The following KALRN variants were observed in gnomAD, a reference collection of about 807,000 sequenced individuals.
KALRN encodes kalirin.
A neutral mutation model predicts 353.7 loss-of-function variants in KALRN; 70 were observed. The ratio of observed to expected loss-of-function variants is 0.20; its 90% confidence interval spans 0.16 to 0.24. The LOEUF (loss-of-function observed/expected upper bound fraction) is 0.24. KALRN is among the 10% of genes least tolerant of loss of function. The pLI is 1.00. For synonymous variants in KALRN, 1,391 were observed against 1,434.8 expected (o/e 0.97, Z 0.69); for missense variants, 2,791 against 3,756.7 (o/e 0.74, Z 6.72).
intron 1 of KALRN, among the ~76,000 whole-genome samples, chr3:124,207,433 C>T (rs746987724): frequency 2.6e-5 from 4 of 152,176 alleles, no homozygotes; most frequent in African/African-American, 7.2e-5. Context: ...TCCCGAAACT[C>T]GGGGGCTGGG....
intron 10 of KALRN, among the ~76,000 whole-genome samples, chr3:124,369,939 C>T (rs940900864): frequency 6.6e-6 from 1 of 152,178 alleles, no homozygotes; most frequent in Non-Finnish European, 1.5e-5. Flanking sequence ...TCAAAAATGA[C>T]AGGATCTCCT....
Position 124,666,516 on chromosome 3 carries a change from G to A in KALRN, c.6413G>A (p.Gly2138Asp), listed in dbSNP as rs1173463640. 3.1e-6 allele frequency: 5 copies of A among 1,614,010 alleles called. No individual in the cohort carries two copies. The highest frequency in any genetic ancestry group is 4.2e-6 in the Non-Finnish European group (5 of 1,179,894). The change falls in exon 46 of 60, where the codon GGC becomes GAC. Residue 2138 changes from glycine (G) to aspartate (D), a missense_variant. Gly to Asp is a moderately conservative substitution (Grantham distance 94). Around this residue, in one of 11 missense-constraint regions of KALRN, gnomAD observed 1,065 missense variants for 1,156.4 expected, o/e 0.92. Coordinates refer to ENST00000682506, the MANE Select transcript of KALRN (RefSeq NM_001388419.1). ...TTCTATGTGATCGAGCTGGATGCAG[G>A]CATGCAGTCCCGGACCAAAGAGAGG... is the stretch of plus-strand genomic sequence containing the variant. ...DTFYVIELDA[G>D]MQSRTKERRV...
In KALRN at chr3:124,298,775, T is replaced by G; in HGVS notation, c.970-16T>G. 6.2e-7 allele frequency: 1 copy of G among 1,614,126 alleles called. No homozygotes were observed. On this transcript the variant is annotated splice_polypyrimidine_tract_variant and intron_variant, in intron 5 of 59. Transcript: ENST00000682506. Reference sequence around the variant, plus strand: ...ATGACCATTCTGATTATGCTGTGCCTTCTTGTCCTCTCTAGATGTTTGACT... The same window carrying G: ...ATGACCATTCTGATTATGCTGTGCCGTCTTGTCCTCTCTAGATGTTTGACT...
At chr3:124,052,639 T>C (rs939423784) in intron 1 of KALRN, among the ~76,000 whole-genome samples, 1 of 152,096 alleles carries the variant, frequency 6.6e-6, no homozygotes, top group Non-Finnish European at 1.5e-5. Context: ...TTTCCTTCCA[T>C]GCAGAACTCT....
intron 51 of KALRN, among the ~76,000 whole-genome samples, chr3:124,688,601 G>A (rs2061669142): frequency 6.6e-6 from 1 of 152,160 alleles, no homozygotes; most frequent in Admixed American, 6.5e-5. Context: ...TGGGTTTAGG[G>A]TATTTGGTTT....
chr3:124,225,369 A>G (rs1469705446), intron 1 of KALRN, among the ~76,000 whole-genome samples: 1 of 152,342 alleles, frequency 6.6e-6, no homozygotes, highest in African/African-American at 2.4e-5. Flanking sequence ...TGAAAATTTT[A>G]GTTGTAATTG....
chr3:124,250,231 G>C (rs2070935784), intron 3 of KALRN, among the ~76,000 whole-genome samples: 1 of 152,238 alleles, frequency 6.6e-6, no homozygotes, highest in Admixed American at 6.5e-5. Flanking sequence ...AGCAAGGACT[G>C]TTTCCTGGAG....
chr3:124,571,595 C>T (rs982281224), intron 34 of KALRN, among the ~76,000 whole-genome samples: 1 of 152,188 alleles, frequency 6.6e-6, no homozygotes, highest in African/African-American at 2.4e-5. Context: ...ATCCTTTCCA[C>T]TTCTAAAAAT....
chr3:124,312,310 G>A (rs1328248722), intron 6 of KALRN, among the ~76,000 whole-genome samples: 2 of 152,028 alleles, frequency 1.3e-5, no homozygotes, highest in African/African-American at 4.8e-5. Context: ...ACAGGCACCC[G>A]CCACCATGCC....
chr3:124,446,193 C>T lies in KALRN; in HGVS notation c.3346C>T (p.Arg1116Cys). Residue 1116 changes from arginine to cysteine, a missense_variant, in exon 20 of 60, where the codon CGC becomes TGC. Physicochemically the swap from Arg to Cys is radical, Grantham distance 180 (BLOSUM62 -3). Coordinates refer to ENST00000682506, the MANE Select transcript of KALRN (RefSeq NM_001388419.1). ...ILSELLQREN[R>C]VLHFWTLKKR... ...GAGTGAGCTCCTGCAGAGGGAGAAT[C>T]GCGTGCTGCATTTCTGGACCTTGAA... The T allele has an allele frequency of 8.1e-6, 13 of 1,614,026 alleles. No homozygotes were observed. Among genetic ancestry groups the T allele is most frequent in the Non-Finnish European group, 1.0e-5 (12 of 1,179,876 alleles).
intron 25 of KALRN, among the ~76,000 whole-genome samples, chr3:124,466,740 C>G (rs1324709584): frequency 6.6e-6 from 1 of 152,102 alleles, no homozygotes; most frequent in Non-Finnish European, 1.5e-5. Flanking sequence ...CAGTGTGCGC[C>G]CCTCCCCTTT....
chr3:124,559,769 C>T (rs149974490), intron 33 of KALRN, among the ~76,000 whole-genome samples: 11 of 152,326 alleles, frequency 7.2e-5, no homozygotes, highest in African/African-American at 2.4e-4. Context: ...TTCCCCAGCA[C>T]CCTCCCTTGT....
intron 34 of KALRN, among the ~76,000 whole-genome samples, chr3:124,566,164 C>A (rs900078082): frequency 6.6e-6 from 1 of 152,152 alleles, no homozygotes; most frequent in African/African-American, 2.4e-5. Context: ...TCTTCTCACC[C>A]ATGTGAGCTC....
intron 1 of KALRN, among the ~76,000 whole-genome samples, chr3:124,217,661 A>G (rs928973637): frequency 3.9e-5 from 6 of 151,998 alleles, no homozygotes; most frequent in Non-Finnish European, 5.9e-5. Flanking sequence ...TTTGGTTGGC[A>G]TATCCTAAGA....
intron 1 of KALRN, among the ~76,000 whole-genome samples, chr3:124,171,525 G>A (rs1452040727): frequency 1.3e-5 from 2 of 152,200 alleles, no homozygotes; most frequent in African/African-American, 2.4e-5. Flanking sequence ...AGGCCTAGAA[G>A]TCACACAGCA....
intron 1 of KALRN, among the ~76,000 whole-genome samples, chr3:124,227,003 C>G (rs967691181): frequency 6.6e-6 from 1 of 152,118 alleles, no homozygotes; most frequent in South Asian, 2.1e-4. Context: ...GTGGGTGGCT[C>G]TCCCTGAGAG....
At chr3:124,607,434 G>T (rs1390166726) in intron 34 of KALRN, among the ~76,000 whole-genome samples, 1 of 152,218 alleles carries the variant, frequency 6.6e-6, no homozygotes, top group Non-Finnish European at 1.5e-5. Flanking sequence ...TGGGTGTGGG[G>T]AAGTAACTGG....
At chr3:124,634,499 C>T (rs1028160560) in intron 36 of KALRN, among the ~76,000 whole-genome samples, 4 of 152,192 alleles carry the variant, frequency 2.6e-5, no homozygotes, top group African/African-American at 4.8e-5. Context: ...CAAGATTCCC[C>T]GGCCCGCTGG....
chr3:124,495,988 T>TACAC (rs1561136757), intron 32 of KALRN, among the ~76,000 whole-genome samples: 6 of 53,758 alleles, frequency 1.1e-4, no homozygotes, highest in African/African-American at 6.2e-4. Context: ...TATATATATA[T>TACAC]ATATATATAT....
Sources: allele counts gnomAD v4.1 joint callset (sites outside exome capture counted in the v4.1 genomes callset), GRCh38; gene constraint gnomAD v4.1.1; regional missense constraint gnomAD v4.1.1; transcripts MANE v1.5; gene names NCBI Gene and HGNC (gene_info 2026-07-23, HGNC 2026-07-21).